Variants in SNTB1 observed in about 807,000 individuals in gnomAD.
SNTB1 encodes syntrophin beta 1.
In SNTB1, 36 loss-of-function variants were observed where a neutral mutation model predicts 48.9. The observed-to-expected ratio is 0.74, with a 90% CI of 0.56 to 0.97. The LOEUF (loss-of-function observed/expected upper bound fraction) is 0.97, where lower values mean the gene tolerates loss of function less well. Among genes scored for constraint, SNTB1 ranks in the 50% least tolerant of loss-of-function variants. The pLI, the probability that SNTB1 is intolerant of heterozygous loss-of-function variation, is 0.00. For synonymous variants in SNTB1, 299 were observed against 294.6 expected, an observed-to-expected ratio of 1.01 and a Z score of -0.15; for missense variants, 786 against 703.4, an observed-to-expected ratio of 1.12 and a Z score of -1.33.
intron 2 of SNTB1, among the ~76,000 whole-genome samples, chr8:120,680,304 GA>G (rs1817909294): frequency 6.6e-6 from 1 of 152,200 alleles, no homozygotes; most frequent in African/African-American, 2.4e-5. Flanking sequence ...CTCTGTCATT[GA>G]TTGATGCAGC....
intron 2 of SNTB1, among the ~76,000 whole-genome samples, chr8:120,644,964 T>C (rs1304270423): frequency 1.3e-5 from 2 of 152,048 alleles, no homozygotes; most frequent in Non-Finnish European, 2.9e-5. Flanking sequence ...ATGTCTTCTT[T>C]TGAGAAGTGT....
rs371513622 is a variant in SNTB1 at position 120,639,239 on chromosome 8, G to A, written c.789-6588C>T. 1.6e-4 allele frequency among the ~76,000 whole-genome samples: 25 copies of A among 152,070 alleles called. No individual in the cohort carries two copies. The East Asian group carries it at 4.6e-3, about 28-fold the overall frequency. Reference sequence around the variant, plus strand: ...CCTTTGCTCACTTTTTGATGGGGTTGTTTTTTTCTTGTAAATTTGTTTGAG... The same window carrying A: ...CCTTTGCTCACTTTTTGATGGGGTTATTTTTTTCTTGTAAATTTGTTTGAG... On this transcript the variant is annotated intron_variant, in intron 2 of 6. Coordinates refer to ENST00000517992, the MANE Select transcript of SNTB1 (RefSeq NM_021021.4).
At chr8:120,654,642 G>A (rs1395970116) in intron 2 of SNTB1, among the ~76,000 whole-genome samples, 1 of 152,074 alleles carries the variant, frequency 6.6e-6, no homozygotes, top group Non-Finnish European at 1.5e-5. Flanking sequence ...GCTTGGCACG[G>A]CGTATGAATG....
intron 1 of SNTB1, among the ~76,000 whole-genome samples, chr8:120,807,211 T>C (rs1820348778): frequency 6.6e-6 from 1 of 152,242 alleles, no homozygotes; most frequent in Non-Finnish European, 1.5e-5. Context: ...TAAATTAATT[T>C]CCTTGTAGCT....
chr8:120,619,298 C>CAT (rs34972312), intron 3 of SNTB1, among the ~76,000 whole-genome samples: 3,489 of 147,458 alleles, frequency 0.024, 61 homozygotes, highest in African/African-American at 0.043. Flanking sequence ...GAAAATTATA[C>CAT]ATATATATAT....
At chr8:120,594,125 G>A (rs901909336) in intron 3 of SNTB1, among the ~76,000 whole-genome samples, 1 of 151,864 alleles carries the variant, frequency 6.6e-6, no homozygotes, top group Non-Finnish European at 1.5e-5. Context: ...GTGGGGTGGT[G>A]CAATCATGGG....
intron 3 of SNTB1, among the ~76,000 whole-genome samples, chr8:120,579,287 C>A (rs1816004821): frequency 6.6e-6 from 1 of 152,196 alleles, no homozygotes; most frequent in Non-Finnish European, 1.5e-5. Context: ...CCCTCTGAGA[C>A]TTTATGTCTT....
At chr8:120,607,599 C>G (rs1305363144) in intron 3 of SNTB1, among the ~76,000 whole-genome samples, 2 of 152,066 alleles carry the variant, frequency 1.3e-5, no homozygotes, top group Non-Finnish European at 2.9e-5. Flanking sequence ...TCTTGAAAAC[C>G]CTTGTACTAC....
At chr8:120,607,320 A>G (rs1816540136) in intron 3 of SNTB1, among the ~76,000 whole-genome samples, 2 of 152,198 alleles carry the variant, frequency 1.3e-5, no homozygotes, top group African/African-American at 4.8e-5. Flanking sequence ...TGGTGCGTCC[A>G]CCTACATTAA....
At chr8:120,738,081 C>G (rs1818978935) in intron 1 of SNTB1, among the ~76,000 whole-genome samples, 1 of 152,032 alleles carries the variant, frequency 6.6e-6, no homozygotes. Flanking sequence ...TCATAAGGAC[C>G]TCATGAATGA....
At chr8:120,599,133 T>A (rs1816377001) in intron 3 of SNTB1, among the ~76,000 whole-genome samples, 1 of 152,238 alleles carries the variant, frequency 6.6e-6, no homozygotes, top group South Asian at 2.1e-4. Flanking sequence ...GGAAGAAAGG[T>A]GCTACCTCTA....
chr8:120,673,446 A>C (rs972989768), intron 2 of SNTB1, among the ~76,000 whole-genome samples: 2 of 151,826 alleles, frequency 1.3e-5, no homozygotes, highest in Admixed American at 1.3e-4. Flanking sequence ...ATGCATCACC[A>C]TGCCCAGTTA....
chr8:120,592,409 G>A (rs575382863), intron 3 of SNTB1, among the ~76,000 whole-genome samples: 6 of 151,490 alleles, frequency 4.0e-5, no homozygotes, highest in African/African-American at 9.7e-5. Flanking sequence ...GGCTGGTCTC[G>A]AACTCCTGGC....
At chr8:120,787,853 C>A (rs546009992) in intron 1 of SNTB1, among the ~76,000 whole-genome samples, 3 of 152,204 alleles carry the variant, frequency 2.0e-5, no homozygotes, top group Non-Finnish European at 1.5e-5. Flanking sequence ...GAGATTTAGA[C>A]ATCCAAATAA....
At chr8:120,806,886 T>C (rs1298096824) in intron 1 of SNTB1, among the ~76,000 whole-genome samples, 1 of 152,136 alleles carries the variant, frequency 6.6e-6, no homozygotes, top group Non-Finnish European at 1.5e-5. Context: ...TTCCAGAAAA[T>C]CACTGCCCCT....
At position 120,715,955 on chromosome 8, in the gene SNTB1, C is replaced by T. The variant is rs1373489782; in HGVS notation, c.572-22047G>A. On this transcript the variant is annotated intron_variant, in intron 1 of 6. Transcript: ENST00000517992. The stretch of plus-strand genomic sequence containing the variant: ...ATATCAATCTGCGATGTCCCATTTA[C>T]CCTGGGAAATTCCTTCTGAGTTAAT... Among the ~76,000 whole-genome samples the T allele has an allele frequency of 2.0e-5, 3 of 152,292 alleles. No homozygotes were observed. The East Asian group carries it at 5.8e-4, about 29-fold the overall frequency.
At chr8:120,677,892 G>C (rs1296391123) in intron 2 of SNTB1, among the ~76,000 whole-genome samples, 1 of 152,156 alleles carries the variant, frequency 6.6e-6, no homozygotes, top group Non-Finnish European at 1.5e-5. Flanking sequence ...AAAAAATATT[G>C]ATGGAGTGCT....
intron 3 of SNTB1, among the ~76,000 whole-genome samples, chr8:120,576,671 G>A (rs889782232): frequency 4.6e-5 from 7 of 152,148 alleles, no homozygotes; most frequent in African/African-American, 1.7e-4. Flanking sequence ...GAGCTAGCAG[G>A]CCTGAACACA....
At chr8:120,681,635 A>G (rs1817933250) in intron 2 of SNTB1, among the ~76,000 whole-genome samples, 1 of 152,208 alleles carries the variant, frequency 6.6e-6, no homozygotes, top group Non-Finnish European at 1.5e-5. Flanking sequence ...AAAAGACAGA[A>G]TGATTCTCCC....
Sources: allele counts gnomAD v4.1 joint callset (sites outside exome capture counted in the v4.1 genomes callset), GRCh38; gene constraint gnomAD v4.1.1; transcripts MANE v1.5; gene names NCBI Gene and HGNC (gene_info 2026-07-23, HGNC 2026-07-21).